The following ADGRL3 variants were observed in gnomAD, a reference collection of about 807,000 sequenced individuals.
ADGRL3 encodes calcium-independent alpha-latrotoxin receptor 3.
In ADGRL3, 62 loss-of-function variants were observed where a neutral mutation model predicts 153.5. The ratio of observed to expected loss-of-function variants is 0.40; its 90% CI spans 0.33 to 0.50. ADGRL3 has a LOEUF of 0.50. Ranked by LOEUF, ADGRL3 falls within the 20% of genes least tolerant of loss-of-function variation. ADGRL3 has a pLI of 0.47. For synonymous variants in ADGRL3, 710 were observed against 672.5 expected, an observed-to-expected ratio of 1.06 and a Z score of -0.86; for missense variants, 1,641 against 1,859.4, an observed-to-expected ratio of 0.88 and a Z score of 2.16.
At chr4:61,323,102 G>C (rs748231481) in intron 1 of ADGRL3, among the ~76,000 whole-genome samples, 6 of 152,200 alleles carry the variant, frequency 3.9e-5, no homozygotes, top group Non-Finnish European at 8.8e-5. Context: ...AGCTGCCAAG[G>C]CTTGAGTCTT....
At chr4:61,688,844 A>G (rs538623745) in intron 6 of ADGRL3, among the ~76,000 whole-genome samples, 2 of 152,324 alleles carry the variant, frequency 1.3e-5, no homozygotes, top group South Asian at 2.1e-4. Context: ...AGAGCTAATT[A>G]CAAAGGCATC....
rs1292062986 is a variant in ADGRL3, at chr4:61,202,082, A to G, written c.-240+317A>G. 7.9e-5 allele frequency: 12 copies of G among 152,550 alleles called. No homozygotes were observed. 9.4% of individuals were successfully genotyped at this position (152,550 alleles called of 1,614,324 possible). On this transcript the variant is annotated intron_variant, in intron 1 of 26. Transcript: ENST00000683033. This position sits in a 1 kb window ranked among gnomAD's most constrained non-coding sequence, Gnocchi z 5.0. The stretch of plus-strand genomic sequence containing the variant: ...GCTGCACACGCTGGGGAATAGGAAC[A>G]GTTCCCACCCCGTTAATTTTCCCTC...
chr4:61,558,655 C>G (rs1467674087), intron 4 of ADGRL3, among the ~76,000 whole-genome samples: 1 of 151,878 alleles, frequency 6.6e-6, no homozygotes, highest in Admixed American at 6.6e-5. Flanking sequence ...GCCTGCCTGC[C>G]TGCCTGTCTA....
chr4:61,806,549 A>G (rs2097554906), intron 8 of ADGRL3, among the ~76,000 whole-genome samples: 1 of 152,094 alleles, frequency 6.6e-6, no homozygotes. Flanking sequence ...ATACAAAATT[A>G]TAAGTATTAA....
chr4:61,462,572 T>C (rs2097835096), intron 2 of ADGRL3, among the ~76,000 whole-genome samples: 1 of 152,108 alleles, frequency 6.6e-6, no homozygotes, highest in South Asian at 2.1e-4. Context: ...CATAATAAAC[T>C]AAAGATATGA....
intron 13 of ADGRL3, among the ~76,000 whole-genome samples, chr4:61,934,597 CTTTAT>C (rs1167726190): frequency 1.3e-5 from 2 of 152,146 alleles, no homozygotes; most frequent in Non-Finnish European, 2.9e-5. Flanking sequence ...GCAAGCATGC[CTTTAT>C]TTGTTGTCCT....
At chr4:61,627,702 T>C (rs1020497391) in intron 5 of ADGRL3, among the ~76,000 whole-genome samples, 3 of 152,130 alleles carry the variant, frequency 2.0e-5, no homozygotes, top group Non-Finnish European at 4.4e-5. Flanking sequence ...TACAAAAGAC[T>C]GCATTTTACA....
At chr4:61,863,855 C>T (rs2098374243) in intron 9 of ADGRL3, among the ~76,000 whole-genome samples, 1 of 152,152 alleles carries the variant, frequency 6.6e-6, no homozygotes, top group African/African-American at 2.4e-5. Context: ...ATGGTCTTAG[C>T]AAAAGCTGAT....
At position 61,330,151 on chromosome 4, in the gene ADGRL3, C is replaced by T. The variant is rs530572273; in HGVS notation, c.-239-52973C>T. 1.3e-4 allele frequency among the ~76,000 whole-genome samples: 20 copies of T among 152,226 alleles called. No homozygotes were observed. The South Asian group carries it at 2.7e-3, about 21-fold the overall frequency. ...TTTATTTCCCAATTTCAAGGACAGA[C>T]GTATTCTTTGGTGAATATGATTGAT... On this transcript the variant is annotated intron_variant, in intron 1 of 26. Transcript: ENST00000683033.
chr4:61,851,328 T>G (rs1478282143), intron 9 of ADGRL3, among the ~76,000 whole-genome samples: 1 of 152,126 alleles, frequency 6.6e-6, no homozygotes, highest in Non-Finnish European at 1.5e-5. Context: ...GACTCACACC[T>G]GTGATCTCAG....
At chr4:61,661,397 G>A (rs188195312) in intron 5 of ADGRL3, among the ~76,000 whole-genome samples, 137 of 152,074 alleles carry the variant, frequency 9.0e-4, no homozygotes, top group Non-Finnish European at 1.5e-3. Context: ...CTATCCTGTA[G>A]TAGAATTATG....
rs537117648 is a variant in ADGRL3, at chr4:61,330,205, G to A, written c.-239-52919G>A. 2.4e-3 allele frequency among the ~76,000 whole-genome samples: 359 copies of A among 152,246 alleles called. 1 individual carries two copies. Among genetic ancestry groups the A allele is most frequent in the South Asian group, 5.0e-3 (24 of 4,816 alleles). ...TAATTTGATGTGTTTACTTGACTGG[G>A]ATATGGGATGCACAGATAGCTGGTT... On this transcript the variant is annotated intron_variant, in intron 1 of 26. Coordinates refer to ENST00000683033, the MANE Select transcript of ADGRL3 (RefSeq NM_001387552.1).
chr4:61,643,247 G>C (rs923560229), intron 5 of ADGRL3, among the ~76,000 whole-genome samples: 12 of 151,902 alleles, frequency 7.9e-5, no homozygotes, highest in Admixed American at 2.0e-4. Context: ...GGGACAATTT[G>C]ACTTCCTCTT....
intron 8 of ADGRL3, among the ~76,000 whole-genome samples, chr4:61,743,785 G>A (rs757456478): frequency 4.6e-5 from 7 of 152,174 alleles, no homozygotes; most frequent in Non-Finnish European, 2.9e-5. Flanking sequence ...CGTGAGTGAC[G>A]CAGAAAACGG....
At chr4:61,748,899 A>G (rs542685003) in intron 8 of ADGRL3, among the ~76,000 whole-genome samples, 50 of 151,602 alleles carry the variant, frequency 3.3e-4, no homozygotes, top group African/African-American at 1.2e-3. Context: ...ACAGCAAAAG[A>G]AACTACCATC....
intron 19 of ADGRL3, among the ~76,000 whole-genome samples, chr4:61,993,750 C>CCT (rs146822675): frequency 1.4e-4 from 21 of 150,800 alleles, no homozygotes; most frequent in Non-Finnish European, 2.7e-4. Context: ...ACACATACAC[C>CCT]CTCTCTCTCT....
intron 1 of ADGRL3, among the ~76,000 whole-genome samples, chr4:61,261,189 C>CTT (rs56862136): frequency 8.5e-6 from 1 of 118,254 alleles, no homozygotes; most frequent in African/African-American, 3.5e-5. Flanking sequence ...TCATCTTCTT[C>CTT]TTTTTTTTTT....
At chr4:62,068,312 G>T in intron 26 of ADGRL3, 129 bp downstream of exon 26, 2 of 706,210 alleles carry the variant, frequency 2.8e-6, no homozygotes, top group South Asian at 2.6e-5. Context: ...AAAAGCCTAT[G>T]AATCGACTTA....
intron 2 of ADGRL3, among the ~76,000 whole-genome samples, chr4:61,484,796 G>A (rs1459042421): frequency 6.6e-6 from 1 of 151,992 alleles, no homozygotes; most frequent in Admixed American, 6.6e-5. Flanking sequence ...CTTCCCCATG[G>A]AGATTATACT....
Sources: gnomAD v4.1 joint callset for allele counts (sites outside exome capture counted in the v4.1 genomes callset) on GRCh38, gnomAD v4.1.1 for gene constraint, Gnocchi (gnomAD v3.1) non-coding constraint, MANE v1.5 for transcripts, NCBI Gene and HGNC (gene_info 2026-07-23, HGNC 2026-07-21) for gene names.